Variants in ARHGAP20 observed in about 807,000 individuals in gnomAD.
ARHGAP20 encodes the protein rho GTPase-activating protein 20.
ARHGAP20 carries 34 observed loss-of-function variants against 73.7 expected under a neutral mutation model. The observed-to-expected ratio is 0.46, with a 90% CI of 0.35 to 0.61. The LOEUF is 0.61. Among genes scored for constraint, ARHGAP20 ranks in the 20% least tolerant of loss-of-function variants. The pLI is 0.00. For synonymous variants in ARHGAP20, 523 were observed against 518.2 expected, an observed-to-expected ratio of 1.01 and a Z score of -0.13; for missense variants, 1,314 against 1,420.9, an observed-to-expected ratio of 0.92 and a Z score of 1.21.
intron 2 of ARHGAP20, among the ~76,000 whole-genome samples, chr11:110,642,891 G>A (rs897828791): frequency 3.0e-4 from 46 of 151,978 alleles, no homozygotes; most frequent in African/African-American, 8.9e-4. Context: ...GGTAGAATTC[G>A]GCTGTGAATC....
chr11:110,630,793 C>A lies in ARHGAP20; in HGVS notation c.189-1G>T. On this transcript the variant is annotated splice_acceptor_variant, in intron 2 of 14. Transcript: ENST00000683387. LOFTEE classifies it high-confidence loss of function. Reference sequence around the variant, plus strand: ...GTCAACACTAGCAGAAGGACTGTCCCTGTAACAGATCAAATGCCACAGATC... The same window carrying A: ...GTCAACACTAGCAGAAGGACTGTCCATGTAACAGATCAAATGCCACAGATC... The A allele has an allele frequency of 6.2e-7, 1 of 1,611,830 alleles. No homozygotes were observed. The highest frequency in any genetic ancestry group is 8.5e-7 in the Non-Finnish European group (1 of 1,178,782).
At chr11:110,589,027 G>A (rs1291618800) in intron 11 of ARHGAP20, among the ~76,000 whole-genome samples, 2 of 151,992 alleles carry the variant, frequency 1.3e-5, no homozygotes, top group East Asian at 1.9e-4. Context: ...AGCCGAGATC[G>A]TGCCACTGCA....
intron 1 of ARHGAP20, among the ~76,000 whole-genome samples, chr11:110,703,656 T>C (rs955610361): frequency 2.0e-5 from 3 of 152,172 alleles, no homozygotes; most frequent in Admixed American, 1.3e-4. Context: ...ATTTCCCTTA[T>C]ACATTATTCT....
intron 2 of ARHGAP20, among the ~76,000 whole-genome samples, chr11:110,650,682 T>C (rs571209905): frequency 6.6e-6 from 1 of 152,250 alleles, no homozygotes; most frequent in South Asian, 2.1e-4. Flanking sequence ...GAAAGATGAG[T>C]ACTTCATGCA....
intron 2 of ARHGAP20, among the ~76,000 whole-genome samples, chr11:110,657,931 G>A (rs1949505790): frequency 6.9e-6 from 1 of 145,870 alleles, no homozygotes; most frequent in Non-Finnish European, 1.5e-5. Context: ...AGGAAGGAAG[G>A]AAGGAAGGAA....
chr11:110,669,471 A>AG (rs1222841275), intron 2 of ARHGAP20, among the ~76,000 whole-genome samples: 1 of 152,090 alleles, frequency 6.6e-6, no homozygotes, highest in Non-Finnish European at 1.5e-5. Flanking sequence ...CTCAACAGTA[A>AG]GAAAAAAAAA....
In ARHGAP20 at chr11:110,690,582, G is replaced by A; in HGVS notation, c.153C>T (p.Ile51=). The change falls in exon 2 of 15, where the codon ATC becomes ATT. Residue 51 remains isoleucine (I), a synonymous_variant. Coordinates refer to ENST00000683387, the MANE Select transcript of ARHGAP20 (RefSeq NM_001384657.1). ...GCCGTTTTTGTAGGGCTTTATCCAG[G>A]ATAAGAGATGGAGCGCTCCTCCTCC... ...AERRRSAPSL[I]LDKALQKRPT... is the part of the protein sequence containing the mutation. The A allele has an allele frequency of 6.2e-7, 1 of 1,614,016 alleles. No individual in the cohort carries two copies. The highest frequency in any genetic ancestry group is 2.2e-5 in the East Asian group (1 of 44,854).
chr11:110,707,220 T>G, intron 1 of ARHGAP20, among the ~76,000 whole-genome samples: 1 of 152,160 alleles, frequency 6.6e-6, no homozygotes, highest in East Asian at 1.9e-4. Context: ...TTAAAGATTT[T>G]TCAATTAGCA....
intron 6 of ARHGAP20, 114 bp from the exon 7 acceptor site, chr11:110,611,500 A>G (rs954303642): frequency 5.6e-6 from 3 of 535,408 alleles, no homozygotes; most frequent in Non-Finnish European, 9.4e-6. Context: ...AAATGTGGAC[A>G]AAGTCAAGCA....
At chr11:110,676,893 T>C (rs574755661) in intron 2 of ARHGAP20, among the ~76,000 whole-genome samples, 114 of 152,192 alleles carry the variant, frequency 7.5e-4, no homozygotes, top group Non-Finnish European at 1.5e-3. Flanking sequence ...GTATACAATG[T>C]GGAATGGTTA....
chr11:110,630,322 T>C (rs1948832917), intron 3 of ARHGAP20, among the ~76,000 whole-genome samples: 2 of 152,166 alleles, frequency 1.3e-5, no homozygotes, highest in South Asian at 4.1e-4. Flanking sequence ...CCTCACCCCA[T>C]GCATAAGACT....
At chr11:110,647,794 T>G (rs973279281) in intron 2 of ARHGAP20, among the ~76,000 whole-genome samples, 1 of 152,042 alleles carries the variant, frequency 6.6e-6, no homozygotes, top group Admixed American at 6.6e-5. Context: ...ATAAATAAAG[T>G]TAATAGAACA....
Position 110,606,548 on chromosome 11 carries a change from A to G in ARHGAP20, c.964+13T>C. 1.3e-6 allele frequency: 2 copies of G among 1,599,076 alleles called. No homozygotes were observed. Among genetic ancestry groups the G allele is most frequent in the Non-Finnish European group, 1.7e-6 (2 of 1,175,216 alleles). ...ATGTTCAAGAACGAAAACTTTTGCT[A>G]GAAGCAACTCACCACTCAGTTGCTG... On this transcript the variant is annotated intron_variant, in intron 9 of 14. Coordinates refer to ENST00000683387, the MANE Select transcript of ARHGAP20 (RefSeq NM_001384657.1).
intron 2 of ARHGAP20, among the ~76,000 whole-genome samples, chr11:110,674,859 C>G (rs1454861729): frequency 6.6e-6 from 1 of 152,144 alleles, no homozygotes; most frequent in African/African-American, 2.4e-5. Context: ...AAACTAGAAA[C>G]TTCATTCTTA....
chr11:110,605,336 G>T (rs749603673), intron 9 of ARHGAP20, among the ~76,000 whole-genome samples: 2 of 152,148 alleles, frequency 1.3e-5, no homozygotes. Context: ...CCAATAAAAT[G>T]TCAAAATCTT....
chr11:110,654,785 T>A (rs1949429592), intron 2 of ARHGAP20, among the ~76,000 whole-genome samples: 1 of 152,184 alleles, frequency 6.6e-6, no homozygotes, highest in Admixed American at 6.6e-5. Flanking sequence ...TTCTCCAGCA[T>A]AAAGGCCTAC....
intron 11 of ARHGAP20, among the ~76,000 whole-genome samples, chr11:110,586,940 G>A (rs965234933): frequency 1.3e-5 from 2 of 152,144 alleles, no homozygotes; most frequent in Non-Finnish European, 2.9e-5. Flanking sequence ...AGCATTTCAG[G>A]TGATGGCTGG....
In ARHGAP20 at chr11:110,579,525, C is replaced by T; in HGVS notation, c.3421G>A (p.Glu1141Lys). The change falls in exon 15 of 15, where the codon GAG (glutamate) becomes AAG (lysine). Residue 1141 changes from glutamate (E) to lysine (K), a missense_variant. Coordinates refer to ENST00000683387, the MANE Select transcript of ARHGAP20 (RefSeq NM_001384657.1). ...SRLKLCMKSH[E>K]EIEPGSQSSS... The stretch of plus-strand genomic sequence containing the variant: ...CTCTGACTACCAGGCTCTATTTCCT[C>T]ATGTGACTTCATGCACAGCTTAAGT... The T allele has an allele frequency of 6.2e-7, 1 of 1,614,152 alleles. No homozygotes were observed.
chr11:110,621,452 CT>C (rs34514430), intron 4 of ARHGAP20, among the ~76,000 whole-genome samples: 7 of 150,948 alleles, frequency 4.6e-5, no homozygotes, highest in South Asian at 2.1e-4. Context: ...AAAATCTTTG[CT>C]TTTTTTTTCC....
Sources: allele counts gnomAD v4.1 joint callset (sites outside exome capture counted in the v4.1 genomes callset), GRCh38; gene constraint gnomAD v4.1.1; transcripts MANE v1.5; gene names NCBI Gene and HGNC (gene_info 2026-07-23, HGNC 2026-07-21).